The following FER variants were observed in gnomAD, a reference collection of about 807,000 sequenced individuals.
FER encodes the protein FER tyrosine kinase, also known as tyrosine-protein kinase Fer.
A neutral mutation model predicts 111.0 loss-of-function variants in FER; 63 were observed. That is an observed-to-expected ratio of 0.57 (90% CI 0.46 to 0.70). The LOEUF is 0.70. FER is among the 30% of genes least tolerant of loss of function. The pLI, the probability that FER is intolerant of heterozygous loss-of-function variation, is 0.00. For missense variants in FER, 914 were observed against 954.0 expected (o/e 0.96, Z 0.55); for synonymous variants, 327 against 313.9 (o/e 1.04, Z -0.44).
intron 10 of FER, among the ~76,000 whole-genome samples, chr5:108,929,573 G>A (rs1754272555): frequency 6.6e-6 from 1 of 151,710 alleles, no homozygotes; most frequent in African/African-American, 2.4e-5. Context: ...ATCCTTTTAA[G>A]GAATTGGGCT....
intron 13 of FER, among the ~76,000 whole-genome samples, chr5:108,999,807 G>T (rs779099694): frequency 1.3e-5 from 2 of 150,208 alleles, no homozygotes; most frequent in Non-Finnish European, 3.0e-5. Context: ...TTTCCTGTGT[G>T]TATTAGCTCT....
At chr5:108,990,109 G>C (rs1035536763) in intron 13 of FER, among the ~76,000 whole-genome samples, 4 of 151,850 alleles carry the variant, frequency 2.6e-5, no homozygotes, top group Admixed American at 2.6e-4. Flanking sequence ...TCATATAAAA[G>C]TAAGCAGCTT....
intron 13 of FER, among the ~76,000 whole-genome samples, chr5:108,976,823 T>G (rs1250678224): frequency 6.6e-6 from 1 of 152,216 alleles, no homozygotes; most frequent in Non-Finnish European, 1.5e-5. Flanking sequence ...ATGGTGGGCA[T>G]CTATAGCTTC....
At chr5:109,079,239 G>T (rs112002957) in intron 16 of FER, among the ~76,000 whole-genome samples, 23 of 152,218 alleles carry the variant, frequency 1.5e-4, no homozygotes, top group Non-Finnish European at 3.2e-4. Flanking sequence ...TTATGGAAAT[G>T]TCCTAACCAC....
intron 17 of FER, among the ~76,000 whole-genome samples, chr5:109,138,464 A>G (rs1753149883): frequency 6.6e-6 from 1 of 152,204 alleles, no homozygotes; most frequent in African/African-American, 2.4e-5. Flanking sequence ...ACATATATCC[A>G]ATCATCGTGT....
In FER at chr5:108,871,453, G is replaced by A. The variant is rs777684576; in HGVS notation, c.754G>A (p.Glu252Lys). 2 of 1,611,666 alleles carry A rather than the reference G, an allele frequency of 1.2e-6. No homozygotes were observed. The highest frequency in any genetic ancestry group is 1.7e-6 in the Non-Finnish European group (2 of 1,178,320). The change falls in exon 7 of 20, where the codon GAA becomes AAA. Residue 252 changes from glutamate (E) to lysine (K), a missense_variant. By Grantham distance (56) the Glu-to-Lys change is moderately conservative. This residue lies in a region of FER where 774 missense variants were observed against 782.6 expected (regional missense o/e 0.99). Coordinates refer to ENST00000281092, the MANE Select transcript of FER (RefSeq NM_005246.4). ...CCATAAAGAGATTCAAATGTCGGTT[G>A]AACAGATAGATCCTAGTACAGAATA... ...NVHKEIQMSV[E>K]QIDPSTEYNN...
chr5:108,871,391 A>G lies in FER; in HGVS notation c.692A>G (p.Gln231Arg), dbSNP rs1764585419. The G allele has an allele frequency of 1.2e-6, 2 of 1,611,418 alleles. No homozygotes were observed. The highest frequency in any genetic ancestry group is 1.7e-6 in the Non-Finnish European group (2 of 1,178,518). Residue 231 changes from glutamine to arginine, a missense_variant, in exon 7 of 20, where the codon CAG (glutamine) becomes CGG (arginine). This residue lies in a region of FER where 774 missense variants were observed against 782.6 expected (regional missense o/e 0.99). Transcript: ENST00000281092. ...AAAGGTATATTTGATGAATACAGCC[A>G]GATAACCAGTCTTGTCACAGAGGAA... Reference protein sequence around the residue: ...ALKGIFDEYSQITSLVTEEIV... With the variant: ...ALKGIFDEYSRITSLVTEEIV...
intron 3 of FER, among the ~76,000 whole-genome samples, chr5:108,806,131 C>G (rs967633497): frequency 1.3e-5 from 2 of 152,176 alleles, no homozygotes. Context: ...CCAGCCGTGA[C>G]TAAAAGGGGC....
intron 13 of FER, among the ~76,000 whole-genome samples, chr5:109,001,357 G>A (rs531186824): frequency 2.8e-4 from 42 of 152,156 alleles, no homozygotes; most frequent in South Asian, 4.1e-4. Context: ...GTAATCCAGC[G>A]TATAAACAGA....
At chr5:109,039,213 GT>G (rs200232099) in intron 14 of FER, among the ~76,000 whole-genome samples, 28,168 of 146,076 alleles carry the variant, frequency 0.19, 2,766 homozygotes, top group Non-Finnish European at 0.23. Flanking sequence ...AACGCTGAGG[GT>G]TTTTTTTTTT....
chr5:109,036,713 T>A (rs1292030567), intron 13 of FER, among the ~76,000 whole-genome samples: 2 of 152,002 alleles, frequency 1.3e-5, no homozygotes, highest in South Asian at 4.1e-4. Context: ...CTTTCTTCAT[T>A]AAAAACCATA....
At chr5:108,900,512 A>T (rs1409802104) in intron 10 of FER, among the ~76,000 whole-genome samples, 1 of 152,228 alleles carries the variant, frequency 6.6e-6, no homozygotes, top group Non-Finnish European at 1.5e-5. Context: ...TATAAATGGT[A>T]TACAATTTCA....
intron 13 of FER, among the ~76,000 whole-genome samples, chr5:109,017,233 G>A (rs1767268278): frequency 6.6e-6 from 1 of 151,754 alleles, no homozygotes; most frequent in Non-Finnish European, 1.5e-5. Context: ...TGAGGGGCTA[G>A]GAAAGAAAAA....
intron 13 of FER, among the ~76,000 whole-genome samples, chr5:108,998,296 T>A (rs1764273205): frequency 6.6e-6 from 1 of 151,562 alleles, no homozygotes. Flanking sequence ...TGAGGGAATC[T>A]CCTGGTCTGC....
chr5:108,798,429 A>T (rs1561436302), intron 3 of FER, 40 bp downstream of exon 3: 1 of 1,474,612 alleles, frequency 6.8e-7, no homozygotes, highest in Non-Finnish European at 9.4e-7. Context: ...TTATAACATT[A>T]TAATTGTCCT....
At chr5:108,879,843 G>A (rs912428315) in intron 8 of FER, among the ~76,000 whole-genome samples, 1 of 151,044 alleles carries the variant, frequency 6.6e-6, no homozygotes, top group African/African-American at 2.4e-5. Flanking sequence ...CTGAGTAGCT[G>A]GGATTACAGG....
chr5:108,998,183 G>GA (rs915109794), intron 13 of FER, among the ~76,000 whole-genome samples: 3,000 of 71,258 alleles, frequency 0.042, 73 homozygotes, highest in African/African-American at 0.07. Flanking sequence ...ACCGGGGTAT[G>GA]AAAAAAAAAA....
intron 10 of FER, among the ~76,000 whole-genome samples, chr5:108,941,523 A>G (rs1289727774): frequency 6.6e-6 from 1 of 152,162 alleles, no homozygotes. Context: ...ATTATAAGGT[A>G]TTCCTTGTCT....
At chr5:108,785,375 A>T (rs1754585221) in intron 2 of FER, 1 of 584,978 alleles carries the variant, frequency 1.7e-6, no homozygotes, top group Non-Finnish European at 3.4e-6. Context: ...CAGCATCAAG[A>T]TCTGGGACTT....
Sources: gnomAD v4.1 joint callset for allele counts (sites outside exome capture counted in the v4.1 genomes callset) on GRCh38, gnomAD v4.1.1 for gene constraint, gnomAD v4.1.1 regional missense constraint, MANE v1.5 for transcripts, NCBI Gene and HGNC (gene_info 2026-07-23, HGNC 2026-07-21) for gene names.